Variants in POF1B observed in about 807,000 individuals in gnomAD.
POF1B encodes POF1B actin binding protein.
POF1B carries 53 observed loss-of-function variants against 55.3 expected under a neutral mutation model. The ratio of observed to expected loss-of-function variants is 0.96; its 90% CI spans 0.77 to 1.20. The LOEUF (loss-of-function observed/expected upper bound fraction) is 1.20, where lower values mean the gene tolerates loss of function less well. Among genes scored for constraint, POF1B ranks in the 50% most tolerant of loss-of-function variants. The pLI, the probability that POF1B is intolerant of heterozygous loss-of-function variation, is 0.00. For synonymous variants in POF1B, 188 were observed against 148.3 expected (o/e 1.27, Z -1.95); for missense variants, 478 against 420.5 (o/e 1.14, Z -1.20).
At chrX:85,379,108 AG>A in intron 2 of POF1B, 64 bp downstream of exon 2, 2 of 1,112,917 alleles carry the variant, frequency 1.8e-6, no homozygotes, top group Non-Finnish European at 2.5e-6. Context: ...AGAAGCAGAA[AG>A]GAAGAGAAAT....
chrX:85,356,500 A>G (rs1933503754), intron 4 of POF1B, among the ~76,000 whole-genome samples: 1 of 110,507 alleles, frequency 9.0e-6, no homozygotes, highest in Admixed American at 9.6e-5. Context: ...GGCACTAACG[A>G]TGTTGATTCT....
rs1226240293 is a variant in POF1B at position 85,346,028 on chromosome X, C to A, written c.555G>T (p.Gln185His). ...KLNTDQGCHPQAQCHHHIIQQ... is the reference protein window; with the variant it reads ...KLNTDQGCHPHAQCHHHIIQQ... ...GGATAATGTGATGATGGCATTGAGC[C>A]TGAGGATGGCACCCCTAAGACACAT... Residue 185 changes from glutamine to histidine, a missense_variant, in exon 6 of 17, where the codon CAG (glutamine) becomes CAT (histidine). Coordinates refer to ENST00000262753, the MANE Select transcript of POF1B (RefSeq NM_024921.4). 8.4e-7 allele frequency: 1 copy of A among 1,187,101 alleles called. No individual in the cohort carries two copies. Among genetic ancestry groups the A allele is most frequent in the South Asian group, 1.9e-5 (1 of 51,629 alleles).
chrX:85,339,900 C>T (rs1295457947), intron 6 of POF1B, among the ~76,000 whole-genome samples: 1 of 110,722 alleles, frequency 9.0e-6, no homozygotes, highest in African/African-American at 3.3e-5. Flanking sequence ...AATCGTGGTC[C>T]CTGGGCCAGT....
chrX:85,342,727 G>C (rs1209937357), intron 6 of POF1B, among the ~76,000 whole-genome samples: 1 of 110,941 alleles, frequency 9.0e-6, no homozygotes, highest in Non-Finnish European at 1.9e-5. Context: ...CATGAAAATG[G>C]GTCCTACTTT....
chrX:85,314,368 G>A, intron 9 of POF1B, 64 bp downstream of exon 9: 13 of 877,053 alleles, frequency 1.5e-5, no homozygotes, highest in Non-Finnish European at 2.0e-5. Context: ...TTAATTAAGG[G>A]AAGCAACCTA....
chrX:85,279,706 G>A (rs1284236481), intron 16 of POF1B, among the ~76,000 whole-genome samples: 2 of 110,828 alleles, frequency 1.8e-5, no homozygotes, highest in South Asian at 3.7e-4. Flanking sequence ...ATGTCCAATT[G>A]TCTCTTAATA....
chrX:85,353,737 T>C (rs1230381689), intron 4 of POF1B, among the ~76,000 whole-genome samples: 1 of 111,354 alleles, frequency 9.0e-6, no homozygotes, highest in Non-Finnish European at 1.9e-5. Context: ...GCTACAGATC[T>C]ATTACATATA....
intron 3 of POF1B, among the ~76,000 whole-genome samples, chrX:85,367,166 A>G (rs1933739088): frequency 9.0e-6 from 1 of 111,525 alleles, no homozygotes; most frequent in Non-Finnish European, 1.9e-5. Flanking sequence ...AATGAAACAC[A>G]TATTTCAATA....
intron 6 of POF1B, among the ~76,000 whole-genome samples, chrX:85,334,404 G>A (rs1311620528): frequency 9.0e-6 from 1 of 111,551 alleles, no homozygotes; most frequent in Non-Finnish European, 1.9e-5. Context: ...AATACAGGCT[G>A]TGCTGAAGAA....
chrX:85,340,457 A>T (rs979730550), intron 6 of POF1B, among the ~76,000 whole-genome samples: 1 of 111,118 alleles, frequency 9.0e-6, no homozygotes, highest in Non-Finnish European at 1.9e-5. Flanking sequence ...AAGAGATAAA[A>T]CAAGAATGTG....
At chrX:85,335,668 AT>A (rs1933057851) in intron 6 of POF1B, among the ~76,000 whole-genome samples, 1 of 110,870 alleles carries the variant, frequency 9.0e-6, no homozygotes, top group African/African-American at 3.3e-5. Context: ...TACCTAGTGC[AT>A]ATTAGATTAT....
intron 13 of POF1B, among the ~76,000 whole-genome samples, chrX:85,305,048 C>CTGTT: frequency 9.0e-6 from 1 of 111,022 alleles, no homozygotes; most frequent in Non-Finnish European, 1.9e-5. Flanking sequence ...GGTAGAAGTG[C>CTGTT]TGTTAGTAAT....
At position 85,319,194 on chromosome X, in the gene POF1B, T is replaced by C. The variant is rs774750689; in HGVS notation, c.855-3460A>G. On this transcript the variant is annotated intron_variant, in intron 7 of 16. Coordinates refer to ENST00000262753, the MANE Select transcript of POF1B (RefSeq NM_024921.4). ...TGGATATTGTTGGTGTATCGAAATG[T>C]AGCTGATTTTTGTACATTGATTTCA... 2.7e-5 allele frequency among the ~76,000 whole-genome samples: 3 copies of C among 111,538 alleles called. No individual in the cohort carries two copies. The East Asian group carries it at 8.5e-4, about 31-fold the overall frequency.
At position 85,330,961 on chromosome X, in the gene POF1B, C is replaced by A; in HGVS notation, c.842G>T (p.Arg281Ile). ...ATGTTTACAGTACCTTCCTCCAATTCTCTGCAAATGTTCTAATAAGCAGTG... is the reference window on the plus strand; with the variant it reads ...ATGTTTACAGTACCTTCCTCCAATTATCTGCAAATGTTCTAATAAGCAGTG... ...LYHCLLEHLQ[R>I]IGGSKQDFES... Residue 281 changes from arginine (R) to isoleucine (I), a missense_variant, in exon 7 of 17, where the codon AGA becomes ATA. By Grantham distance (97) the Arg-to-Ile change is moderately conservative. Transcript: ENST00000262753. The A allele has an allele frequency of 4.2e-6, 5 of 1,189,118 alleles. No homozygotes were observed. The highest frequency in any genetic ancestry group is 1.9e-5 in the South Asian group (1 of 51,670).
At chrX:85,285,915 C>T (rs1932042854) in intron 15 of POF1B, among the ~76,000 whole-genome samples, 1 of 98,247 alleles carries the variant, frequency 1.0e-5, no homozygotes, top group Non-Finnish European at 2.0e-5. Context: ...GAAGTCTTCA[C>T]CAGAGAAGCA....
intron 16 of POF1B, among the ~76,000 whole-genome samples, chrX:85,280,275 A>C (rs1931868784): frequency 9.0e-6 from 1 of 111,634 alleles, no homozygotes; most frequent in South Asian, 3.7e-4. Context: ...TAATTTTATT[A>C]ACTATACATC....
At chrX:85,317,468 C>A (rs192559398) in intron 7 of POF1B, among the ~76,000 whole-genome samples, 2 of 109,861 alleles carry the variant, frequency 1.8e-5, no homozygotes, top group Admixed American at 9.7e-5. Context: ...AACAACCATT[C>A]TGACTGGTGT....
chrX:85,315,821 T>A (rs1375099074), intron 7 of POF1B, 87 bp from the exon 8 acceptor site: 13 of 746,779 alleles, frequency 1.7e-5, no homozygotes, highest in African/African-American at 4.4e-5. Context: ...TAATTTTATC[T>A]TACTTTTTGA....
chrX:85,360,527 G>GTATATA lies in POF1B; in HGVS notation c.358-903_358-898dup, dbSNP rs142665633. Among the ~76,000 whole-genome samples the GTATATA allele has an allele frequency of 8.5e-3, 494 of 58,428 alleles. 9 individuals carry two copies. The highest frequency in any genetic ancestry group is 0.012 in the African/African-American group (113 of 9,568). 50.7% of individuals were successfully genotyped at this position (58,428 alleles called of 115,157 possible). A position where few individuals can be genotyped will look rare whatever the true frequency, so the allele number is the denominator to read the frequency against. ...ATGGCTGCCTAGTATTCCATGGTAT[G>GTATATA]TATATATATATATATATATATATAT... is the stretch of plus-strand genomic sequence containing the variant. On this transcript the variant is annotated intron_variant, in intron 3 of 16. Coordinates refer to ENST00000262753, the MANE Select transcript of POF1B (RefSeq NM_024921.4).
Sources: allele counts gnomAD v4.1 joint callset (sites outside exome capture counted in the v4.1 genomes callset), GRCh38; gene constraint gnomAD v4.1.1; transcripts MANE v1.5; gene names NCBI Gene and HGNC (gene_info 2026-07-23, HGNC 2026-07-21).